The following LCOR variants were observed in gnomAD, a reference collection of about 807,000 sequenced individuals.
LCOR encodes the protein ligand-dependent corepressor.
Under a neutral mutation model 64.4 loss-of-function variants are expected in LCOR, and 14 were observed. That is an observed-to-expected ratio of 0.22 (90% CI 0.14 to 0.34). The LOEUF (loss-of-function observed/expected upper bound fraction) is 0.34, where lower values mean the gene tolerates loss of function less well. LCOR is among the 10% of genes least tolerant of loss of function. The pLI, the probability that LCOR is intolerant of heterozygous loss-of-function variation, is 1.00. For synonymous variants in LCOR, 643 were observed against 642.5 expected, an observed-to-expected ratio of 1.00 and a Z score of -0.01; for missense variants, 1,686 against 1,765.3, an observed-to-expected ratio of 0.96 and a Z score of 0.80.
intron 2 of LCOR, among the ~76,000 whole-genome samples, chr10:96,866,167 A>G (rs1355918342): frequency 6.6e-6 from 1 of 152,202 alleles, no homozygotes; most frequent in Non-Finnish European, 1.5e-5. Flanking sequence ...TCACCCATTT[A>G]AAGCGTTGTA....
chr10:96,880,139 G>T (rs1564613530), intron 2 of LCOR, among the ~76,000 whole-genome samples: 1 of 152,136 alleles, frequency 6.6e-6, no homozygotes, highest in Admixed American at 6.6e-5. Flanking sequence ...TCAGGTATTG[G>T]TTTTGCTCTA....
chr10:96,891,988 A>G (rs1846453637), intron 2 of LCOR, among the ~76,000 whole-genome samples: 1 of 152,172 alleles, frequency 6.6e-6, no homozygotes, highest in African/African-American at 2.4e-5. Flanking sequence ...GTCTTTTGAA[A>G]TTTACGGCAA....
chr10:96,985,859 T>G lies in LCOR; in HGVS notation c.*725T>G, dbSNP rs766405072. The stretch of plus-strand genomic sequence containing the variant: ...CAAGTGTTAATTTTTGTTTACAAAC[T>G]CTAAAAAATCATTTGCATCCCCAAA... On this transcript the variant is annotated 3_prime_UTR_variant, in exon 8 of 8. Transcript: ENST00000421806. 2 of 167,070 alleles carry G rather than the reference T, an allele frequency of 1.2e-5. No individual in the cohort carries two copies. Among genetic ancestry groups the G allele is most frequent in the Non-Finnish European group, 2.9e-5 (2 of 68,124 alleles). The allele number at this position is 167,070 out of a possible 1,614,324, so 10.3% of individuals were successfully genotyped here.
chr10:96,888,210 C>G (rs896166149), intron 2 of LCOR, among the ~76,000 whole-genome samples: 5 of 150,150 alleles, frequency 3.3e-5, no homozygotes, highest in Admixed American at 3.3e-4. Context: ...ACTAAAAATA[C>G]AAAAATTCGC....
At chr10:96,876,011 A>AT (rs1411848591) in intron 2 of LCOR, among the ~76,000 whole-genome samples, 1 of 150,962 alleles carries the variant, frequency 6.6e-6, no homozygotes, top group African/African-American at 2.4e-5. Flanking sequence ...AGACTTAAAC[A>AT]TTAAAAAAAA....
chr10:96,869,284 C>G (rs941569478), intron 2 of LCOR, among the ~76,000 whole-genome samples: 25 of 152,082 alleles, frequency 1.6e-4, no homozygotes, highest in African/African-American at 6.0e-4. Flanking sequence ...CTGATCTCGG[C>G]CCATTACAGC....
At chr10:96,874,641 C>CTT (rs35772302) in intron 2 of LCOR, among the ~76,000 whole-genome samples, 2 of 145,166 alleles carry the variant, frequency 1.4e-5, no homozygotes, top group African/African-American at 2.5e-5. Flanking sequence ...GACTAGAGTA[C>CTT]TTTTTTTTTT....
chr10:96,913,004 G>A (rs115144247), intron 4 of LCOR, among the ~76,000 whole-genome samples: 7,355 of 151,620 alleles, frequency 0.049, 607 homozygotes, highest in African/African-American at 0.17. Context: ...GGCCATTTAG[G>A]GCCCTTTGGA....
At chr10:96,843,151 G>A (rs1845570032) in intron 2 of LCOR, among the ~76,000 whole-genome samples, 1 of 152,074 alleles carries the variant, frequency 6.6e-6, no homozygotes, top group African/African-American at 2.4e-5. Flanking sequence ...TGGAGACAAG[G>A]TCTGGTTCTG....
In LCOR at chr10:96,985,111, C is replaced by A. The variant is rs1347397572; in HGVS notation, c.4651C>A (p.Arg1551=). The A allele has an allele frequency of 3.7e-6, 6 of 1,600,264 alleles. No homozygotes were observed. In the South Asian group the frequency reaches 5.7e-5, roughly 15 times the overall value. ...KAKLDCSHSK[R]RRLDAK ...AAAGCTGGACTGTTCGCACAGCAAACGGAGGCGGCTGGATGCAAAGTGATT... is the reference window on the plus strand; with the variant it reads ...AAAGCTGGACTGTTCGCACAGCAAAAGGAGGCGGCTGGATGCAAAGTGATT... The change falls in exon 8 of 8, where the codon CGG becomes AGG. Residue 1551 remains arginine (R), a synonymous_variant. Coordinates refer to ENST00000421806, the MANE Select transcript of LCOR (RefSeq NM_001346516.2).
At position 96,958,118 on chromosome 10, in the gene LCOR, T is replaced by C. The variant is rs1847814511; in HGVS notation, c.332+5922T>C. ...AGCACACAATTAATTGCAGCCATAG[T>C]ACCTTTTTGCGTAATGTTTGGGATA... On this transcript the variant is annotated intron_variant, in intron 7 of 7. Transcript: ENST00000421806. The C allele has an allele frequency of 8.6e-6, 10 of 1,158,514 alleles. No homozygotes were observed. In the Admixed American group the frequency reaches 4.3e-4, roughly 50 times the overall value. The allele number at this position is 1,158,514 out of a possible 1,614,324, so 71.8% of individuals were successfully genotyped here.
rs112376148 is a variant in LCOR, at chr10:96,892,488, C to A, written c.-329-14777C>A. On this transcript the variant is annotated intron_variant, in intron 2 of 7. Transcript: ENST00000421806. Reference sequence around the variant, plus strand: ...ACAGATTTGGTATGGTGAGGTGCCGCTTTCTGGTTCATGGATGACTGTCTT... The same window carrying A: ...ACAGATTTGGTATGGTGAGGTGCCGATTTCTGGTTCATGGATGACTGTCTT... Among the ~76,000 whole-genome samples the A allele has an allele frequency of 1.3e-3, 199 of 152,230 alleles. No individual in the cohort carries two copies. The Middle Eastern group carries it at 0.014, about 10-fold the overall frequency.
chr10:96,924,947 T>C (rs1847142346), intron 4 of LCOR, among the ~76,000 whole-genome samples: 1 of 152,198 alleles, frequency 6.6e-6, no homozygotes, highest in South Asian at 2.1e-4. Flanking sequence ...TATTCTCCCT[T>C]CTTAGTTTAA....
At chr10:96,955,944 A>G (rs770218381) in intron 7 of LCOR, 1 of 1,594,000 alleles carries the variant, frequency 6.3e-7, no homozygotes. Context: ...AGTGCCAATT[A>G]CTGTACAAAC....
chr10:96,887,562 CAA>C (rs879306494), intron 2 of LCOR, among the ~76,000 whole-genome samples: 6 of 110,388 alleles, frequency 5.4e-5, no homozygotes, highest in East Asian at 2.6e-4. Context: ...GACTCCGTCT[CAA>C]AAAAAAAAAA....
chr10:96,892,390 C>T (rs1052827685), intron 2 of LCOR, among the ~76,000 whole-genome samples: 2 of 152,114 alleles, frequency 1.3e-5, no homozygotes, highest in African/African-American at 2.4e-5. Context: ...TCCACTTGGG[C>T]TGCCTAAGTG....
chr10:96,911,381 G>A (rs910668659), intron 4 of LCOR, among the ~76,000 whole-genome samples: 2 of 152,228 alleles, frequency 1.3e-5, no homozygotes. Flanking sequence ...TACAGCGTGA[G>A]CCACCACGCC....
chr10:96,860,534 T>C (rs1222168274), intron 2 of LCOR, among the ~76,000 whole-genome samples: 1 of 152,240 alleles, frequency 6.6e-6, no homozygotes, highest in Non-Finnish European at 1.5e-5. Flanking sequence ...TTCTGACTTC[T>C]AGCCTCTAGA....
chr10:96,927,738 C>G (rs1197356792), intron 4 of LCOR, among the ~76,000 whole-genome samples: 3 of 152,094 alleles, frequency 2.0e-5, no homozygotes, highest in African/African-American at 2.4e-5. Flanking sequence ...ATTGAATTAC[C>G]TTGACATCTT....
Sources: allele counts gnomAD v4.1 joint callset (sites outside exome capture counted in the v4.1 genomes callset), GRCh38; gene constraint gnomAD v4.1.1; transcripts MANE v1.5; gene names NCBI Gene and HGNC (gene_info 2026-07-23, HGNC 2026-07-21).